Variants in DHRS9 observed in about 807,000 individuals in gnomAD.
The protein encoded by DHRS9 is dehydrogenase/reductase SDR family member 9.
In DHRS9, 18 loss-of-function variants were observed where a neutral mutation model predicts 26.6. The observed-to-expected ratio is 0.68, with a 90% CI of 0.47 to 1.00. The LOEUF is 1.00. Ranked by LOEUF, DHRS9 falls within the 50% of genes least tolerant of loss-of-function variation. The pLI is 0.00. For synonymous variants in DHRS9, 134 were observed against 141.1 expected (o/e 0.95, Z 0.36); for missense variants, 425 against 378.7 (o/e 1.12, Z -1.01).
chr2:169,067,266 G>T (rs1313772853), upstream of DHRS9: 65 of 1,535,214 alleles, frequency 4.2e-5, no homozygotes, highest in Non-Finnish European at 5.5e-5. Context: ...CTGCACACTG[G>T]AGTAAGTGCT....
chr2:169,093,081 G>A (rs149032360), intron 4 of DHRS9, among the ~76,000 whole-genome samples: 421 of 152,150 alleles, frequency 2.8e-3, no homozygotes, highest in Admixed American at 5.7e-3. Context: ...TTCTTGGGTC[G>A]GTTAAAGTTT....
Position 169,074,534 on chromosome 2 carries a change from G to A in DHRS9, c.-60+4817G>A, listed in dbSNP as rs898760780. The A allele has an allele frequency of 5.1e-6, 4 of 788,924 alleles. No individual in the cohort carries two copies. In the Admixed American group the frequency reaches 1.9e-4, roughly 37 times the overall value. 48.9% of individuals were successfully genotyped at this position (788,924 alleles called of 1,614,324 possible). ...TGCAGAGGTAACCACAGCTGGCGTA[G>A]TGTGGTTGAGGTAGCCCTATTAGCC... On this transcript the variant is annotated intron_variant, in intron 1 of 4. Coordinates refer to ENST00000674881, the MANE Select transcript of DHRS9 (RefSeq NM_001376924.1).
chr2:169,095,712 AAG>A lies in DHRS9; in HGVS notation c.907_908del (p.Asp303LeufsTer12). On this transcript the variant is annotated frameshift_variant, in exon 5 of 5. Transcript: ENST00000674881. LOFTEE classifies it high-confidence loss of function. ...CTGTCTCACATGCCAGCAGCTTTGC[AAG>A]ACTTTTTATTGTTGAAACAGAAAGC... 3.7e-6 allele frequency: 6 copies of A among 1,613,964 alleles called. No homozygotes were observed. The highest frequency in any genetic ancestry group is 5.1e-6 in the Non-Finnish European group (6 of 1,179,892).
chr2:169,094,195 A>AT (rs1391249208), intron 4 of DHRS9, among the ~76,000 whole-genome samples: 2 of 152,024 alleles, frequency 1.3e-5, no homozygotes, highest in East Asian at 1.9e-4. Context: ...GGTGACAAAC[A>AT]TTTTTTTCAT....
chr2:169,073,724 G>A (rs1307863358), intron 1 of DHRS9, among the ~76,000 whole-genome samples: 1 of 152,134 alleles, frequency 6.6e-6, no homozygotes, highest in Non-Finnish European at 1.5e-5. Context: ...GCTTGCAGCA[G>A]CAGGATATGA....
rs531546520 is a variant in DHRS9, at chr2:169,086,815, AAGACTC to A, written c.572+3229_572+3234del. ...GAAGAATTATCTGGTTTACCAGGAAAAGACTCTTGTTCTCTTCCCTTACTTTCTCCC... is the reference window on the plus strand; with the variant it reads ...GAAGAATTATCTGGTTTACCAGGAAATTGTTCTCTTCCCTTACTTTCTCCC... On this transcript the variant is annotated intron_variant, in intron 3 of 4. Coordinates refer to ENST00000674881, the MANE Select transcript of DHRS9 (RefSeq NM_001376924.1). 2.0e-5 allele frequency among the ~76,000 whole-genome samples: 3 copies of A among 152,298 alleles called. No homozygotes were observed. In the South Asian group the frequency reaches 6.2e-4, roughly 32 times the overall value.
In DHRS9 at chr2:169,091,865, A is replaced by G. The variant is rs1005744197; in HGVS notation, c.648A>G (p.Pro216=). The change falls in exon 4 of 5, where the codon CCA becomes CCG. Residue 216 remains proline, a synonymous_variant. Transcript: ENST00000674881. The part of the protein sequence containing the change: ...PGLFKTNLAD[P]VKVIEKKLAI... ...TGTTCAAAACAAACTTGGCAGATCCAGTAAAGGTAATTGAAAAAAAACTCG... is the reference window on the plus strand; with the variant it reads ...TGTTCAAAACAAACTTGGCAGATCCGGTAAAGGTAATTGAAAAAAAACTCG... 4 of 1,614,094 alleles carry G rather than the reference A, an allele frequency of 2.5e-6. No individual in the cohort carries two copies. Among genetic ancestry groups the G allele is most frequent in the Non-Finnish European group, 3.4e-6 (4 of 1,179,992 alleles).
intron 2 of DHRS9, among the ~76,000 whole-genome samples, chr2:169,082,302 T>C (rs546501051): frequency 2.6e-5 from 4 of 152,328 alleles, no homozygotes; most frequent in African/African-American, 7.2e-5. Flanking sequence ...AAAATGATTC[T>C]AAAGCTCACA....
intron 1 of DHRS9, among the ~76,000 whole-genome samples, chr2:169,080,164 G>A (rs1326626689): frequency 2.0e-5 from 3 of 152,194 alleles, no homozygotes; most frequent in East Asian, 1.9e-4. Flanking sequence ...TTCAACTCAG[G>A]GCCTATTGAT....
Position 169,095,670 on chromosome 2 carries a change from A to G in DHRS9, c.863A>G (p.Lys288Arg), listed in dbSNP as rs576428113. The change falls in exon 5 of 5, where the codon AAA becomes AGA. Residue 288 changes from lysine to arginine, a missense_variant. By Grantham distance (26) the Lys-to-Arg change is conservative. Coordinates refer to ENST00000674881, the MANE Select transcript of DHRS9 (RefSeq NM_001376924.1). ...KTHYAAGKDA[K>R]IFWIPLSHMP... ...CATTATGCCGCTGGAAAAGATGCCA[A>G]AATTTTCTGGATACCTCTGTCTCAC... The G allele has an allele frequency of 6.2e-7, 1 of 1,613,968 alleles. No individual in the cohort carries two copies. Among genetic ancestry groups the G allele is most frequent in the Non-Finnish European group, 8.5e-7 (1 of 1,179,898 alleles).
rs1364450473 is a variant in DHRS9, at chr2:169,081,695, C to T, written c.114C>T (p.Asp38=). Residue 38 remains aspartate (D), a synonymous_variant, in exon 2 of 5, where the codon GAC becomes GAT. Coordinates refer to ENST00000674881, the MANE Select transcript of DHRS9 (RefSeq NM_001376924.1). ...TDKYIFITGC[D]SGFGNLAART... is the part of the protein sequence containing the mutation. ...AGTACATTTTTATCACTGGATGTGA[C>T]TCGGGCTTTGGAAACTTGGCAGCCA... is the stretch of plus-strand genomic sequence containing the variant. 6.2e-7 allele frequency: 1 copy of T among 1,614,192 alleles called. No individual in the cohort carries two copies. The highest frequency in any genetic ancestry group is 1.3e-5 in the African/African-American group (1 of 75,036).
At chr2:169,070,006 G>A in intron 1 of DHRS9, 1 of 813,674 alleles carries the variant, frequency 1.2e-6, no homozygotes, top group Non-Finnish European at 1.5e-6. Flanking sequence ...TATTTTCTCT[G>A]TGCCTTCTTG....
intron 2 of DHRS9, 48 bp downstream of exon 2, chr2:169,081,942 G>A (rs762550326): frequency 3.9e-6 from 6 of 1,519,398 alleles, no homozygotes; most frequent in Non-Finnish European, 5.3e-6. Context: ...AGGGGATAGG[G>A]AGGTAACCAA....
chr2:169,075,587 G>A (rs993059766), intron 1 of DHRS9, among the ~76,000 whole-genome samples: 121 of 151,400 alleles, frequency 8.0e-4, no homozygotes, highest in African/African-American at 2.9e-3. Flanking sequence ...GCCTAATAAT[G>A]TTCTTTCTGA....
intron 1 of DHRS9, among the ~76,000 whole-genome samples, chr2:169,077,338 T>C (rs1683993084): frequency 6.6e-6 from 1 of 152,194 alleles, no homozygotes. Flanking sequence ...GTGAAATACA[T>C]AGTATTACAA....
Position 169,096,045 on chromosome 2 carries a change from C to T in DHRS9, c.*278C>T, listed in dbSNP as rs1684688600. 1 of 445,902 alleles carries T rather than the reference C, an allele frequency of 2.2e-6. No individual in the cohort carries two copies. The highest frequency in any genetic ancestry group is 2.0e-5 in the African/African-American group (1 of 51,008). The allele number at this position is 445,902 out of a possible 1,614,324, so 27.6% of individuals were successfully genotyped here. ...GTGTGATGTAAGGGAAATTGAAAGA[C>T]TTGCCCATTCAAAATGATCTTTACC... On this transcript the variant is annotated 3_prime_UTR_variant, in exon 5 of 5. Transcript: ENST00000674881.
At chr2:169,069,312 C>T, upstream of DHRS9, 1 of 605,570 alleles carries the variant, frequency 1.7e-6, no homozygotes, top group Non-Finnish European at 2.1e-6. Context: ...ATATTTATTT[C>T]TTTGTTATAT....
intron 3 of DHRS9, among the ~76,000 whole-genome samples, chr2:169,089,478 C>G (rs2105300243): frequency 1.3e-5 from 2 of 152,268 alleles, no homozygotes; most frequent in Middle Eastern, 6.8e-3. Context: ...GGAAGATATT[C>G]AGCTGAGTGG....
intron 3 of DHRS9, among the ~76,000 whole-genome samples, chr2:169,088,389 C>T (rs1054261820): frequency 3.3e-5 from 5 of 152,218 alleles, no homozygotes; most frequent in African/African-American, 9.6e-5. Flanking sequence ...GTAGCATCAA[C>T]AATTCAAGAC....
Sources: allele counts gnomAD v4.1 joint callset (sites outside exome capture counted in the v4.1 genomes callset), GRCh38; gene constraint gnomAD v4.1.1; transcripts MANE v1.5; gene names NCBI Gene and HGNC (gene_info 2026-07-23, HGNC 2026-07-21).